The following LRP2 variants were observed in gnomAD, a reference collection of about 807,000 sequenced individuals.
The protein encoded by LRP2 is low-density lipoprotein receptor-related protein 2.
Under a neutral mutation model 531.0 loss-of-function variants are expected in LRP2, and 172 were observed. That is an observed-to-expected ratio of 0.32 (90% confidence interval 0.29 to 0.37). LRP2 has a LOEUF of 0.37. Ranked by LOEUF, LRP2 falls within the 10% of genes least tolerant of loss-of-function variation. LRP2 has a pLI of 1.00. For missense variants in LRP2, 5,167 were observed against 5,868.3 expected (o/e 0.88, Z 3.90); for synonymous variants, 1,992 against 2,027.6 (o/e 0.98, Z 0.47).
chr2:169,260,520 C>A (rs1180231352), intron 16 of LRP2, among the ~76,000 whole-genome samples: 1 of 152,038 alleles, frequency 6.6e-6, no homozygotes, highest in African/African-American at 2.4e-5. Flanking sequence ...GAAGCATCCA[C>A]TTAGACATGT....
chr2:169,293,956 C>T (rs912172026), intron 6 of LRP2, among the ~76,000 whole-genome samples, 192 bp downstream of exon 6: 4 of 152,050 alleles, frequency 2.6e-5, no homozygotes, highest in African/African-American at 4.8e-5. Context: ...GAGCCCAGGT[C>T]GAGCAACACC....
rs375752793 is a variant in LRP2 at position 169,180,485 on chromosome 2, G to C, written c.10169+963C>G. 3.3e-4 allele frequency among the ~76,000 whole-genome samples: 51 copies of C among 152,332 alleles called. No individual in the cohort carries two copies. In the South Asian group the frequency reaches 0.01, roughly 31 times the overall value. On this transcript the variant is annotated intron_variant, in intron 52 of 78. Coordinates refer to ENST00000649046, the MANE Select transcript of LRP2 (RefSeq NM_004525.3). ...TGTAGCAAATGAACCAGTTCAACAA[G>C]AGAAAGTACTTGGATTGATTAATTA... is the stretch of plus-strand genomic sequence containing the variant.
At chr2:169,287,559 C>G (rs899334466) in intron 9 of LRP2, among the ~76,000 whole-genome samples, 1 of 151,988 alleles carries the variant, frequency 6.6e-6, no homozygotes, top group Non-Finnish European at 1.5e-5. Context: ...AGCAGACTTT[C>G]TCAAGAATTT....
At position 169,202,784 on chromosome 2, in the gene LRP2, A is replaced by T; in HGVS notation, c.8181T>A (p.Asp2727Glu). 6.2e-7 allele frequency: 1 copy of T among 1,614,218 alleles called. No homozygotes were observed. The highest frequency in any genetic ancestry group is 1.1e-5 in the South Asian group (1 of 91,088). Residue 2727 changes from aspartate (D) to glutamate (E), a missense_variant, in exon 43 of 79, where the codon GAT becomes GAA. Transcript: ENST00000649046. ...WKCDNDNDCG[D>E]GSDEMESVCA... ...AGACACTTTCCATCTCATCACTGCC[A>T]TCCCCACAGTCGTTGTCATTATCAC...
At chr2:169,255,641 G>T (rs1336216902) in intron 19 of LRP2, among the ~76,000 whole-genome samples, 1 of 152,164 alleles carries the variant, frequency 6.6e-6, no homozygotes, top group Non-Finnish European at 1.5e-5. Flanking sequence ...CATTCAGTCA[G>T]CATATAGTTG....
chr2:169,230,776 C>A (rs1369344657), intron 31 of LRP2, among the ~76,000 whole-genome samples: 1 of 152,198 alleles, frequency 6.6e-6, no homozygotes, highest in Non-Finnish European at 1.5e-5. Context: ...TCCTTCTTTT[C>A]TTACTCCCTT....
In LRP2 at chr2:169,154,531, G is replaced by A. The variant is rs1317077372; in HGVS notation, c.12224C>T (p.Ser4075Leu). 3 of 1,612,206 alleles carry A rather than the reference G, an allele frequency of 1.9e-6. No homozygotes were observed. The highest frequency in any genetic ancestry group is 2.5e-6 in the Non-Finnish European group (3 of 1,178,394). ...RKYNLSSERFSEYLQDEEYIQ... is the reference protein window; with the variant it reads ...RKYNLSSERFLEYLQDEEYIQ... Reference sequence around the variant, plus strand: ...ATATTCCTCATCTTGAAGATACTCTGAGAACCTCTCAGATGAGAGATTATA... The same window carrying A: ...ATATTCCTCATCTTGAAGATACTCTAAGAACCTCTCAGATGAGAGATTATA... Residue 4075 changes from serine to leucine, a missense_variant, in exon 66 of 79, where the codon TCA (serine) becomes TTA (leucine). Physicochemically the swap from Ser to Leu is moderately radical, Grantham distance 145 (BLOSUM62 -2). Transcript: ENST00000649046.
chr2:169,283,366 CT>C (rs1398414320), intron 9 of LRP2, among the ~76,000 whole-genome samples: 1 of 152,206 alleles, frequency 6.6e-6, no homozygotes, highest in Non-Finnish European at 1.5e-5. Flanking sequence ...CACTAACCCC[CT>C]GTGGCTATCT....
intron 1 of LRP2, among the ~76,000 whole-genome samples, chr2:169,326,813 G>C (rs1252320445): frequency 6.6e-6 from 1 of 151,208 alleles, no homozygotes; most frequent in Non-Finnish European, 1.5e-5. Context: ...GAAGTGAGGA[G>C]CGTCTCTGCC....
At chr2:169,214,619 T>A (rs971058052) in intron 35 of LRP2, among the ~76,000 whole-genome samples, 4 of 152,108 alleles carry the variant, frequency 2.6e-5, no homozygotes, top group Admixed American at 2.6e-4. Context: ...ATGAAACTGA[T>A]CAAAGTTCTA....
chr2:169,294,695 T>G lies in LRP2; in HGVS notation c.443A>C (p.Glu148Ala). 7.1e-7 allele frequency: 1 copy of G among 1,410,298 alleles called. No individual in the cohort carries two copies. Among genetic ancestry groups the G allele is most frequent in the Non-Finnish European group, 9.9e-7 (1 of 1,015,200 alleles). The allele number at this position is 1,410,298 out of a possible 1,614,324, so 87.4% of individuals were successfully genotyped here. Residue 148 changes from glutamate to alanine, a missense_variant, in exon 5 of 79, where the codon GAG becomes GCG. Around this residue, in one of 6 missense-constraint regions of LRP2, gnomAD observed 2,811 missense variants for 3,058.0 expected, o/e 0.92. Coordinates refer to ENST00000649046, the MANE Select transcript of LRP2 (RefSeq NM_004525.3). ...DENDCQYPTC[E>A]QLTCDNGACY... The stretch of plus-strand genomic sequence containing the variant: ...GGCCCCATTGTCACAAGTAAGCTGC[T>G]CACATGTTGGGTACTCTATTGTAAA...
chr2:169,337,195 C>T (rs1685428771), intron 1 of LRP2, among the ~76,000 whole-genome samples: 1 of 152,130 alleles, frequency 6.6e-6, no homozygotes, highest in Non-Finnish European at 1.5e-5. Context: ...TTCTTAAAGC[C>T]TTCTACGGGT....
chr2:169,342,367 C>G (rs1039121607), intron 1 of LRP2, among the ~76,000 whole-genome samples: 12 of 152,124 alleles, frequency 7.9e-5, no homozygotes, highest in African/African-American at 2.7e-4. Context: ...TGGTGACTCT[C>G]TCCTTTTCTC....
chr2:169,200,230 G>A (rs935615607), intron 44 of LRP2, among the ~76,000 whole-genome samples: 2 of 152,128 alleles, frequency 1.3e-5, no homozygotes, highest in African/African-American at 4.8e-5. Flanking sequence ...CAGCCTGGGC[G>A]ATAGAGCAAG....
At chr2:169,256,281 A>G (rs1464154057) in intron 18 of LRP2, 45 bp from the exon 19 acceptor site, 14 of 1,573,814 alleles carry the variant, frequency 8.9e-6, no homozygotes, top group Non-Finnish European at 1.2e-5. Flanking sequence ...AAAAACTATC[A>G]GAGCACCCTT....
At chr2:169,315,303 A>C (rs1167699042) in intron 3 of LRP2, among the ~76,000 whole-genome samples, 1 of 152,176 alleles carries the variant, frequency 6.6e-6, no homozygotes, top group African/African-American at 2.4e-5. Context: ...AGTAATTAGA[A>C]AACAATTATG....
intron 57 of LRP2, 139 bp from the exon 58 acceptor site, chr2:169,172,273 T>C: frequency 4.1e-6 from 4 of 967,684 alleles, no homozygotes; most frequent in Admixed American, 2.0e-5. Flanking sequence ...GCCAGCAACA[T>C]TCATGGTCAA....
rs144522368 is a variant in LRP2 at position 169,274,704 on chromosome 2, T to C, written c.1975+332A>G. Among the ~76,000 whole-genome samples, 331 of 152,254 alleles carry C rather than the reference T, an allele frequency of 2.2e-3. 1 individual carries two copies. The highest frequency in any genetic ancestry group is 7.3e-3 in the African/African-American group (302 of 41,558). ...TAATATTAGAAGTTTGAAATAGATG[T>C]CTTTCCCAGTAGAATGAGGATAGGT... On this transcript the variant is annotated intron_variant, in intron 14 of 78. Transcript: ENST00000649046.
Position 169,188,021 on chromosome 2 carries a change from G to A in LRP2, c.9277C>T (p.Leu3093Phe). The change falls in exon 49 of 79, where the codon CTC becomes TTC. Residue 3093 changes from leucine (L) to phenylalanine (F), a missense_variant. Physicochemically the swap from Leu to Phe is conservative, Grantham distance 22. Transcript: ENST00000649046. ...AAACAGTCATCTAGGTGGTTGCAGAGTTTCATCATCTCGATGCAGCGCCCA... is the reference window on the plus strand; with the variant it reads ...AAACAGTCATCTAGGTGGTTGCAGAATTTCATCATCTCGATGCAGCGCCCA... ...DNGRCIEMMK[L>F]CNHLDDCLDN... The A allele has an allele frequency of 6.2e-7, 1 of 1,614,054 alleles. No homozygotes were observed. Among genetic ancestry groups the A allele is most frequent in the Non-Finnish European group, 8.5e-7 (1 of 1,180,004 alleles).
Sources: gnomAD v4.1 joint callset for allele counts (sites outside exome capture counted in the v4.1 genomes callset) on GRCh38, gnomAD v4.1.1 for gene constraint, gnomAD v4.1.1 regional missense constraint, MANE v1.5 for transcripts, NCBI Gene and HGNC (gene_info 2026-07-23, HGNC 2026-07-21) for gene names.